Variants in CLCC1 observed in about 807,000 individuals in gnomAD.
The protein encoded by CLCC1 is chloride channel CLIC like 1.
Under a neutral mutation model 63.3 loss-of-function variants are expected in CLCC1, and 39 were observed. The ratio of observed to expected loss-of-function variants is 0.62; its 90% CI spans 0.48 to 0.81. The LOEUF (loss-of-function observed/expected upper bound fraction) is 0.81. Among genes scored for constraint, CLCC1 ranks in the 30% least tolerant of loss-of-function variants. CLCC1 has a pLI of 0.00. For missense variants in CLCC1, 549 were observed against 669.4 expected (o/e 0.82, Z 1.98); for synonymous variants, 217 against 239.8 (o/e 0.90, Z 0.88).
chr1:108,950,257 C>G (rs145722181), intron 3 of CLCC1, 52 bp downstream of exon 3: 27,610 of 1,561,470 alleles, frequency 0.018, 380 homozygotes, highest in Middle Eastern at 0.056. Flanking sequence ...TAGACTGTTT[C>G]CATCATGGGA....
At chr1:108,951,953 T>G (rs1348020608) in intron 2 of CLCC1, among the ~76,000 whole-genome samples, 1 of 147,706 alleles carries the variant, frequency 6.8e-6, no homozygotes, top group Non-Finnish European at 1.5e-5. Flanking sequence ...ATTAATTAAC[T>G]TTTTTGTAGA....
chr1:108,963,444 G>C lies in CLCC1; in HGVS notation c.-256C>G, dbSNP rs971037894. 1 of 702,260 alleles carries C rather than the reference G, an allele frequency of 1.4e-6. No homozygotes were observed. Among genetic ancestry groups the C allele is most frequent in the Non-Finnish European group, 2.6e-6 (1 of 384,830 alleles). 43.5% of individuals were successfully genotyped at this position (702,260 alleles called of 1,614,324 possible). On this transcript the variant is annotated 5_prime_UTR_variant, in exon 1 of 13. Transcript: ENST00000369969. ...AGGTCGCACAGCTTGCCGCCGCCCA[G>C]GGTTTCAGCGTGCTTCCTGGGCCTC...
intron 10 of CLCC1, among the ~76,000 whole-genome samples, 172 bp downstream of exon 10, chr1:108,939,464 G>T (rs1021398887): frequency 4.6e-5 from 7 of 151,212 alleles, no homozygotes; most frequent in African/African-American, 1.7e-4. Flanking sequence ...CCGCCACCAC[G>T]CCCGGCTAAT....
intron 4 of CLCC1, 72 bp downstream of exon 4, chr1:108,949,748 T>A (rs2101681962): frequency 2.6e-6 from 2 of 781,682 alleles, no homozygotes; most frequent in Non-Finnish European, 3.9e-6. Flanking sequence ...TACAAATTTA[T>A]CAGCAGAGAC....
At chr1:108,937,955 C>T (rs1653264599) in intron 10 of CLCC1, among the ~76,000 whole-genome samples, 1 of 152,136 alleles carries the variant, frequency 6.6e-6, no homozygotes, top group African/African-American at 2.4e-5. Flanking sequence ...CTGAGACTTT[C>T]AGGAGATCTA....
intron 8 of CLCC1, among the ~76,000 whole-genome samples, chr1:108,940,765 G>C (rs1231883521): frequency 1.3e-5 from 2 of 152,204 alleles, no homozygotes; most frequent in Non-Finnish European, 1.5e-5. Flanking sequence ...AGCCAGGAAG[G>C]AAGGCTGAAT....
Position 108,930,029 on chromosome 1 carries a change from A to C in CLCC1, c.*2518T>G. On this transcript the variant is annotated 3_prime_UTR_variant, in exon 13 of 13. Transcript: ENST00000369969. ...TTAAAAGGAGAATTTATAGCACTGT[A>C]ATACAGCTTAAAATATTTTTAGAAT... The C allele has an allele frequency of 9.0e-7, 1 of 1,106,798 alleles. No individual in the cohort carries two copies. The highest frequency in any genetic ancestry group is 1.3e-6 in the Non-Finnish European group (1 of 748,130). 68.6% of individuals were successfully genotyped at this position (1,106,798 alleles called of 1,614,324 possible).
At position 108,929,526 on chromosome 1, in the gene CLCC1, C is replaced by A. The variant is rs1320321047; in HGVS notation, c.*3021G>T. 2 of 647,698 alleles carry A rather than the reference C, an allele frequency of 3.1e-6. No individual in the cohort carries two copies. The highest frequency in any genetic ancestry group is 2.7e-5 in the East Asian group (1 of 36,488). 40.1% of individuals were successfully genotyped at this position (647,698 alleles called of 1,614,324 possible). A position where few individuals can be genotyped will look rare whatever the true frequency, so the allele number is the denominator to read the frequency against. On this transcript the variant is annotated 3_prime_UTR_variant, in exon 13 of 13. Transcript: ENST00000369969. The stretch of plus-strand genomic sequence containing the variant: ...GCAGTTTCAGGTTTAAAGATTATTT[C>A]TTTCAGAAATCAGGCTGGGAACTAA...
At chr1:108,952,374 C>A (rs1040516875) in intron 2 of CLCC1, among the ~76,000 whole-genome samples, 1 of 151,940 alleles carries the variant, frequency 6.6e-6, no homozygotes. Context: ...GATGGGATTT[C>A]TCCATGTTGG....
In CLCC1 at chr1:108,939,647, A is replaced by G. The variant is rs766630600; in HGVS notation, c.1030T>C (p.Leu344=). The change falls in exon 10 of 13, where the codon TTA becomes CTA. Residue 344 remains leucine (L), a synonymous_variant. Transcript: ENST00000369969. ...LHLPVLIIMA[L]AILSFCYGAG... ...ATATTAATACTAACCAGGATGGCTA[A>G]TGCCATAATTATCAGCACTGGAAGA... The G allele has an allele frequency of 4.3e-6, 7 of 1,613,932 alleles. No individual in the cohort carries two copies. Among genetic ancestry groups the G allele is most frequent in the African/African-American group, 2.7e-5 (2 of 74,922 alleles).
rs201406502 is a variant in CLCC1 at position 108,950,924 on chromosome 1, T to TA, written c.-11-477dup. Among the ~76,000 whole-genome samples, 163 of 152,224 alleles carry TA rather than the reference T, an allele frequency of 1.1e-3. 2 individuals are homozygous for TA. In the East Asian group the frequency reaches 0.029, roughly 27 times the overall value. ...TAAAAATAAATTGGTGTTCATATAT[T>TA]AAAAAAATGCATATATGCATAATAT... On this transcript the variant is annotated intron_variant, in intron 2 of 12. Coordinates refer to ENST00000369969, the MANE Select transcript of CLCC1 (RefSeq NM_001377458.1).
chr1:108,944,260 A>T (rs936859182), intron 5 of CLCC1, among the ~76,000 whole-genome samples: 27 of 152,208 alleles, frequency 1.8e-4, no homozygotes, highest in African/African-American at 6.5e-4. Flanking sequence ...GCTTGAAGCC[A>T]GGACTTCAAG....
chr1:108,939,686 G>A lies in CLCC1; in HGVS notation c.991C>T (p.Pro331Ser). The A allele has an allele frequency of 1.9e-6, 3 of 1,614,096 alleles. No homozygotes were observed. The highest frequency in any genetic ancestry group is 2.5e-6 in the Non-Finnish European group (3 of 1,179,996). ...EFIKALMKEI[P>S]ALLHLPVLII... is the part of the protein sequence containing the mutation. ...AGCACTGGAAGATGAAGCAGCGCTG[G>A]AATTTCCTTCATGAGTGCTTTAATA... Residue 331 changes from proline (P) to serine (S), a missense_variant, in exon 10 of 13, where the codon CCA (proline) becomes TCA (serine). Transcript: ENST00000369969.
At position 108,943,962 on chromosome 1, in the gene CLCC1, G is replaced by A. The variant is rs1654198227; in HGVS notation, c.435C>T (p.Asp145=). 1.6e-5 allele frequency: 26 copies of A among 1,613,476 alleles called. No individual in the cohort carries two copies. Among genetic ancestry groups the A allele is most frequent in the Non-Finnish European group, 2.2e-5 (26 of 1,179,590 alleles). Residue 145 remains aspartate (D), a synonymous_variant, in exon 6 of 13, where the codon GAC becomes GAT. Coordinates refer to ENST00000369969, the MANE Select transcript of CLCC1 (RefSeq NM_001377458.1). The part of the protein sequence containing the change: ...LEIQKFLNGE[D]WKPGALDDAL... Reference sequence around the variant, plus strand: ...CATCATCCAAGGCACCTGGTTTCCAGTCTTCTCCATTGAGAAACTTCTGTA... The same window carrying A: ...CATCATCCAAGGCACCTGGTTTCCAATCTTCTCCATTGAGAAACTTCTGTA...
At position 108,929,947 on chromosome 1, in the gene CLCC1, T is replaced by C. The variant is rs193138520; in HGVS notation, c.*2600A>G. On this transcript the variant is annotated 3_prime_UTR_variant, in exon 13 of 13. Transcript: ENST00000369969. ...AAAATCGGCAGACCATTAGTTACTA[T>C]GGATTTATTTTTTTTCCTTTCAAAC... 2.4e-4 allele frequency: 386 copies of C among 1,611,260 alleles called. 1 individual carries two copies. The African/African-American group carries it at 3.8e-3, about 16-fold the overall frequency.
In CLCC1 at chr1:108,941,404, C is replaced by T. The variant is rs1314154738; in HGVS notation, c.796+1G>A. ...TAAGGACAAGTGCACAAACACCTTA[C>T]CCCAGATACTTCCAGTCCAGTCCAT... On this transcript the variant is annotated splice_donor_variant, in intron 8 of 12. Coordinates refer to ENST00000369969, the MANE Select transcript of CLCC1 (RefSeq NM_001377458.1). LOFTEE classifies it high-confidence loss of function. 1.7e-5 allele frequency: 28 copies of T among 1,612,954 alleles called. No homozygotes were observed. Among genetic ancestry groups the T allele is most frequent in the Non-Finnish European group, 2.2e-5 (26 of 1,179,266 alleles).
At chr1:108,939,132 CTAA>C (rs1035920533) in intron 10 of CLCC1, among the ~76,000 whole-genome samples, 26 of 147,958 alleles carry the variant, frequency 1.8e-4, no homozygotes, top group African/African-American at 6.2e-4. Flanking sequence ...ACCAGTATTA[CTAA>C]TATTAATACT....
chr1:108,950,573 G>T, intron 2 of CLCC1, 125 bp from the exon 3 acceptor site: 1 of 441,412 alleles, frequency 2.3e-6, no homozygotes. Flanking sequence ...CCAGGCTGGA[G>T]TACAGTGATA....
rs2101578287 is a variant in CLCC1, at chr1:108,930,011, G to A, written c.*2536C>T. 7.3e-7 allele frequency: 1 copy of A among 1,376,232 alleles called. No individual in the cohort carries two copies. Among genetic ancestry groups the A allele is most frequent in the East Asian group, 2.3e-5 (1 of 43,696 alleles). The allele number at this position is 1,376,232 out of a possible 1,614,324, so 85.3% of individuals were successfully genotyped here. On this transcript the variant is annotated 3_prime_UTR_variant, in exon 13 of 13. Coordinates refer to ENST00000369969, the MANE Select transcript of CLCC1 (RefSeq NM_001377458.1). ...AATCTATTACTTTTTTCCTTAAAAGGAGAATTTATAGCACTGTAATACAGC... is the reference window on the plus strand; with the variant it reads ...AATCTATTACTTTTTTCCTTAAAAGAAGAATTTATAGCACTGTAATACAGC...
Sources: allele counts gnomAD v4.1 joint callset (sites outside exome capture counted in the v4.1 genomes callset), GRCh38; gene constraint gnomAD v4.1.1; transcripts MANE v1.5; gene names NCBI Gene and HGNC (gene_info 2026-07-23, HGNC 2026-07-21).